The following CROCC variants were observed in gnomAD, a reference collection of about 807,000 sequenced individuals.
CROCC encodes ciliary rootlet coiled-coil, rootletin, also known as rootletin.
In CROCC, 180 loss-of-function variants were observed where a neutral mutation model predicts 245.2. The observed-to-expected ratio is 0.73, with a 90% confidence interval of 0.65 to 0.83. The LOEUF is 0.83. CROCC is among the 40% of genes least tolerant of loss of function. The pLI is 0.00. For synonymous variants in CROCC, 1,205 were observed against 1,241.6 expected (o/e 0.97, Z 0.62); for missense variants, 2,688 against 2,779.4 (o/e 0.97, Z 0.74).
chr1:16,972,396 C>T lies in CROCC; in HGVS notation c.6004C>T (p.Arg2002Ter), dbSNP rs376987322. The T allele has an allele frequency of 2.4e-5, 39 of 1,613,796 alleles. No individual in the cohort carries two copies. Among genetic ancestry groups the T allele is most frequent in the Admixed American group, 1.7e-4 (10 of 59,988 alleles). ...GAAGGGCCAGCTGCAGCAGGAGCTTCGAAGGAGCTCAGCACCCTTCTCCCC... is the reference window on the plus strand; with the variant it reads ...GAAGGGCCAGCTGCAGCAGGAGCTTTGAAGGAGCTCAGCACCCTTCTCCCC... ...TLKGQLQQEL[R>*]RSSAPFSPPS... Residue 2002 changes from arginine to a stop codon, truncating the protein, a stop_gained, in exon 37 of 37, where the codon CGA becomes TGA. Coordinates refer to ENST00000375541, the MANE Select transcript of CROCC (RefSeq NM_014675.5). LOFTEE classifies it high-confidence loss of function.
Position 16,955,935 on chromosome 1 carries a change from T to C in CROCC, c.3705-62T>C. 6 of 1,540,600 alleles carry C rather than the reference T, an allele frequency of 3.9e-6. No individual in the cohort carries two copies. In the East Asian group the frequency reaches 9.8e-5, roughly 25 times the overall value. On this transcript the variant is annotated intron_variant, in intron 24 of 36. Transcript: ENST00000375541. ...CTCCAGAAATTGGAGGAGACGGCTTTTGTGTAGAGCCACTGACTACTCCCA... is the reference window on the plus strand; with the variant it reads ...CTCCAGAAATTGGAGGAGACGGCTTCTGTGTAGAGCCACTGACTACTCCCA...
chr1:16,937,810 G>C (rs2075826169), intron 10 of CROCC, 73 bp downstream of exon 10: 2 of 1,345,904 alleles, frequency 1.5e-6, no homozygotes, highest in Non-Finnish European at 2.1e-6. Context: ...CGCAGGCTTA[G>C]GGCTGGGCTG....
chr1:16,957,996 C>A (rs1245808338), intron 25 of CROCC, among the ~76,000 whole-genome samples: 1 of 112,614 alleles, frequency 8.9e-6, no homozygotes, highest in African/African-American at 2.9e-5. Context: ...TAGGCAGTAC[C>A]CCTCCCTGCT....
rs755227091 is a variant in CROCC at position 16,972,397 on chromosome 1, G to A, written c.6005G>A (p.Arg2002Gln). Residue 2002 changes from arginine (R) to glutamine (Q), a missense_variant, in exon 37 of 37, where the codon CGA (arginine) becomes CAA (glutamine). Transcript: ENST00000375541. The stretch of plus-strand genomic sequence containing the variant: ...AAGGGCCAGCTGCAGCAGGAGCTTC[G>A]AAGGAGCTCAGCACCCTTCTCCCCA... The part of the protein sequence containing the change: ...TLKGQLQQEL[R>Q]RSSAPFSPPS... 2.2e-5 allele frequency: 35 copies of A among 1,613,758 alleles called. No homozygotes were observed. The African/African-American group carries it at 2.5e-4, about 12-fold the overall frequency.
At chr1:16,959,430 C>G (rs969946584) in intron 26 of CROCC, among the ~76,000 whole-genome samples, 2 of 152,232 alleles carry the variant, frequency 1.3e-5, no homozygotes, top group Non-Finnish European at 2.9e-5. Context: ...GCTACCCGCT[C>G]TGCCTTTTCC....
intron 3 of CROCC, 149 bp downstream of exon 3, chr1:16,924,628 G>A: frequency 9.4e-7 from 1 of 1,065,306 alleles, no homozygotes; most frequent in South Asian, 1.7e-5. Flanking sequence ...ACCTTGAGTG[G>A]CGTTGAGCAA....
Position 16,968,396 on chromosome 1 carries a change from G to T in CROCC, c.5054G>T (p.Arg1685Leu). 2 of 1,497,024 alleles carry T rather than the reference G, an allele frequency of 1.3e-6. No homozygotes were observed. The highest frequency in any genetic ancestry group is 1.3e-5 in the South Asian group (1 of 76,112). The allele number at this position is 1,497,024 out of a possible 1,614,324, so 92.7% of individuals were successfully genotyped here. A position where few individuals can be genotyped will look rare whatever the true frequency, so the allele number is the denominator to read the frequency against. Reference protein sequence around the residue: ...REAQAQALQDRVDSLQRQVAD... With the variant: ...REAQAQALQDLVDSLQRQVAD... Reference sequence around the variant, plus strand: ...GCCCAAGCCCAGGCCCTCCAGGATCGGGTGGATTCCCTGCAGAGACAGGTG... The same window carrying T: ...GCCCAAGCCCAGGCCCTCCAGGATCTGGTGGATTCCCTGCAGAGACAGGTG... The change falls in exon 31 of 37, where the codon CGG (arginine) becomes CTG (leucine). Residue 1685 changes from arginine to leucine, a missense_variant. Arg to Leu is a moderately radical substitution (Grantham distance 102). Transcript: ENST00000375541.
chr1:16,937,269 C>T (rs1275151002), intron 9 of CROCC, among the ~76,000 whole-genome samples: 1 of 152,028 alleles, frequency 6.6e-6, no homozygotes, highest in Non-Finnish European at 1.5e-5. Flanking sequence ...AGGAGAATCG[C>T]TTGAACCCAG....
At chr1:16,924,534 G>A (rs2075487792) in intron 3 of CROCC, 55 bp downstream of exon 3, 2 of 1,588,902 alleles carry the variant, frequency 1.3e-6, no homozygotes, top group Non-Finnish European at 1.7e-6. Context: ...TCAAGGGCAG[G>A]GAGGCATCTA....
chr1:16,968,082 C>T, intron 30 of CROCC, 121 bp from the exon 31 acceptor site: 1 of 972,876 alleles, frequency 1.0e-6, no homozygotes. Flanking sequence ...AGGCCGGCCC[C>T]AGGTCACGTA....
At chr1:16,944,357 T>A (rs1309200420) in intron 14 of CROCC, 75 bp downstream of exon 14, 1 of 1,419,476 alleles carries the variant, frequency 7.0e-7, no homozygotes, top group Non-Finnish European at 9.3e-7. Flanking sequence ...CCCCTGGGGT[T>A]AGGTGACACC....
chr1:16,970,200 A>G, intron 33 of CROCC, 53 bp from the exon 34 acceptor site: 1 of 1,468,606 alleles, frequency 6.8e-7, no homozygotes. Flanking sequence ...CAAGCTTCAG[A>G]TAAGTATGCT....
intron 33 of CROCC, 143 bp from the exon 34 acceptor site, chr1:16,970,110 C>G: frequency 8.4e-7 from 1 of 1,187,872 alleles, no homozygotes; most frequent in Non-Finnish European, 1.1e-6. Flanking sequence ...CTGAGAGAGA[C>G]AGGTTTGGCT....
At position 16,966,211 on chromosome 1, in the gene CROCC, C is replaced by T; in HGVS notation, c.4696+92C>T. ...GGATTGGCCTCTGACCTTGCCGTGG[C>T]CCCCATGACCTGACTCGGGGCTGTC... On this transcript the variant is annotated intron_variant, in intron 29 of 36. Coordinates refer to ENST00000375541, the MANE Select transcript of CROCC (RefSeq NM_014675.5). This position sits in a 1 kb window ranked among gnomAD's most constrained non-coding sequence, Gnocchi z 4.8. 6.6e-7 allele frequency: 1 copy of T among 1,517,374 alleles called. No homozygotes were observed. The highest frequency in any genetic ancestry group is 8.9e-7 in the Non-Finnish European group (1 of 1,128,318). The allele number at this position is 1,517,374 out of a possible 1,614,324, so 94.0% of individuals were successfully genotyped here.
At chr1:16,958,905 C>A (rs2076287938) in intron 26 of CROCC, among the ~76,000 whole-genome samples, 155 bp downstream of exon 26, 1 of 152,206 alleles carries the variant, frequency 6.6e-6, no homozygotes. Context: ...GTAACAACAA[C>A]CCAAAGAACA....
In CROCC at chr1:16,940,016, C is replaced by T. The variant is rs145068858; in HGVS notation, c.1731C>T (p.Thr577=). 8.1e-4 allele frequency: 1,299 copies of T among 1,611,078 alleles called. No individual in the cohort carries two copies. The highest frequency in any genetic ancestry group is 1.0e-3 in the Non-Finnish European group (1,226 of 1,179,056). ...AGCTGCAGCGCCTGCGGGACAAGAC[C>T]GACGGCGCCATGCAGGCCCACGAGG... ...EEQLQRLRDK[T]DGAMQAHEDA... Residue 577 remains threonine (T), a synonymous_variant, in exon 13 of 37, where the codon ACC becomes ACT. Coordinates refer to ENST00000375541, the MANE Select transcript of CROCC (RefSeq NM_014675.5).
At chr1:16,917,935 C>T (rs369129958), upstream of CROCC, among the ~76,000 whole-genome samples, 6,241 of 45,534 alleles carry the variant, frequency 0.14, no homozygotes, top group African/African-American at 0.26. Flanking sequence ...GGCACGCTGT[C>T]TTTCTGTCTT....
At chr1:16,916,183 C>CAAAAAAAAAAAAAAAAAAAAAAA (rs58710425) in intron 1 of CROCC, among the ~76,000 whole-genome samples, 8 of 107,772 alleles carry the variant, frequency 7.4e-5, no homozygotes, top group South Asian at 6.2e-4. Flanking sequence ...GACTCTGCCT[C>CAAAAAAAAAAAAAAAAAAAAAAA]AAAAAAAAAG....
intron 13 of CROCC, among the ~76,000 whole-genome samples, chr1:16,943,072 G>A (rs1336250460): frequency 1.3e-5 from 2 of 152,146 alleles, no homozygotes. Flanking sequence ...GAGAAACCCT[G>A]TCTCTACTAA....
Sources: gnomAD v4.1 joint callset for allele counts (sites outside exome capture counted in the v4.1 genomes callset) on GRCh38, gnomAD v4.1.1 for gene constraint, Gnocchi (gnomAD v3.1) non-coding constraint, MANE v1.5 for transcripts, NCBI Gene and HGNC (gene_info 2026-07-23, HGNC 2026-07-21) for gene names.